The following ASTN2 variants were observed in gnomAD, a reference collection of about 807,000 sequenced individuals.
ASTN2 encodes astrotactin 2.
ASTN2 carries 54 observed loss-of-function variants against 139.8 expected under a neutral mutation model. The ratio of observed to expected loss-of-function variants is 0.39; its 90% CI spans 0.31 to 0.48. ASTN2 has a LOEUF of 0.48. ASTN2 is among the 20% of genes least tolerant of loss of function. ASTN2 has a pLI of 0.95. For synonymous variants in ASTN2, 756 were observed against 719.5 expected (o/e 1.05, Z -0.81); for missense variants, 1,565 against 1,725.1 (o/e 0.91, Z 1.64).
intron 5 of ASTN2, among the ~76,000 whole-genome samples, chr9:117,089,852 G>A (rs554130033): frequency 7.4e-4 from 112 of 152,296 alleles, no homozygotes; most frequent in African/African-American, 2.5e-3. Context: ...GGCAAATGCC[G>A]TTAATTCATT....
chr9:116,779,895 C>A (rs1830173992), intron 13 of ASTN2, among the ~76,000 whole-genome samples: 1 of 152,194 alleles, frequency 6.6e-6, no homozygotes. Context: ...ACTCATTAAT[C>A]ACTTCACTAA....
At chr9:116,978,286 A>G (rs1836409728) in intron 7 of ASTN2, among the ~76,000 whole-genome samples, 2 of 152,074 alleles carry the variant, frequency 1.3e-5, no homozygotes, top group Non-Finnish European at 2.9e-5. Context: ...GCTAGTAGGA[A>G]CCGCCCTGAC....
At chr9:116,492,330 C>T (rs1849541565) in intron 19 of ASTN2, among the ~76,000 whole-genome samples, 1 of 152,200 alleles carries the variant, frequency 6.6e-6, no homozygotes, top group African/African-American at 2.4e-5. Context: ...GATCTGCCTG[C>T]TTCAGCCTCC....
intron 1 of ASTN2, among the ~76,000 whole-genome samples, chr9:117,313,007 G>A (rs751442813): frequency 2.0e-5 from 3 of 152,118 alleles, no homozygotes; most frequent in Non-Finnish European, 4.4e-5. Context: ...TTATTTACAC[G>A]GCTTCACTTT....
chr9:116,564,452 C>G (rs1171982843), intron 19 of ASTN2, among the ~76,000 whole-genome samples: 1 of 152,202 alleles, frequency 6.6e-6, no homozygotes, highest in Non-Finnish European at 1.5e-5. Flanking sequence ...CCTTGCTACC[C>G]CCATGCTGGG....
chr9:116,636,162 C>T (rs1387085808), intron 17 of ASTN2, among the ~76,000 whole-genome samples: 1 of 152,152 alleles, frequency 6.6e-6, no homozygotes, highest in Non-Finnish European at 1.5e-5. Context: ...AATACTGATA[C>T]TTCTCCTTCT....
intron 3 of ASTN2, among the ~76,000 whole-genome samples, chr9:117,178,759 G>C (rs182698847): frequency 6.6e-6 from 1 of 152,180 alleles, no homozygotes; most frequent in East Asian, 1.9e-4. Context: ...CCAAGGGCTG[G>C]CAAAACATCA....
chr9:116,929,040 C>G (rs16934065), intron 10 of ASTN2, among the ~76,000 whole-genome samples: 4,224 of 152,256 alleles, frequency 0.028, 212 homozygotes, highest in African/African-American at 0.097. Context: ...ACATACGCCT[C>G]CCAGTGGGAT....
At chr9:117,270,144 G>C (rs1408448197) in intron 2 of ASTN2, among the ~76,000 whole-genome samples, 1 of 152,128 alleles carries the variant, frequency 6.6e-6, no homozygotes, top group African/African-American at 2.4e-5. Context: ...CTGGGTATTA[G>C]TTTTTCTTGT....
At chr9:116,939,176 C>T (rs1835158494) in intron 10 of ASTN2, among the ~76,000 whole-genome samples, 1 of 152,080 alleles carries the variant, frequency 6.6e-6, no homozygotes. Context: ...TCTCAATTTT[C>T]TCATCTGGCA....
intron 3 of ASTN2, among the ~76,000 whole-genome samples, chr9:117,202,661 C>T (rs1831764456): frequency 6.6e-6 from 1 of 152,028 alleles, no homozygotes; most frequent in African/African-American, 2.4e-5. Flanking sequence ...GAATATTGGC[C>T]CCCAATCTCT....
intron 19 of ASTN2, among the ~76,000 whole-genome samples, chr9:116,490,050 A>G (rs770689863): frequency 2.6e-5 from 4 of 152,030 alleles, no homozygotes; most frequent in Admixed American, 6.6e-5. Flanking sequence ...TGGAGTCTAC[A>G]GAGTAAAGCC....
At chr9:116,759,800 C>T (rs1829628955) in intron 13 of ASTN2, among the ~76,000 whole-genome samples, 1 of 152,070 alleles carries the variant, frequency 6.6e-6, no homozygotes, top group South Asian at 2.1e-4. Context: ...ATGTTATTTC[C>T]ATGAGGGCAA....
chr9:117,181,621 C>T (rs1831069272), intron 3 of ASTN2, among the ~76,000 whole-genome samples: 1 of 152,102 alleles, frequency 6.6e-6, no homozygotes, highest in African/African-American at 2.4e-5. Context: ...GACCCAGGTC[C>T]CAATTGTAGC....
At chr9:116,927,656 G>A (rs547970134) in intron 10 of ASTN2, among the ~76,000 whole-genome samples, 1 of 152,166 alleles carries the variant, frequency 6.6e-6, no homozygotes, top group Non-Finnish European at 1.5e-5. Context: ...CCAAGGAATG[G>A]TGGCTGGACT....
chr9:117,114,368 C>T (rs1829326613), intron 4 of ASTN2, among the ~76,000 whole-genome samples: 2 of 152,094 alleles, frequency 1.3e-5, no homozygotes, highest in Admixed American at 6.5e-5. Flanking sequence ...GCATTTCAGG[C>T]ATGAAATTAG....
chr9:116,472,563 A>G (rs1332441371), intron 20 of ASTN2, among the ~76,000 whole-genome samples: 2 of 152,194 alleles, frequency 1.3e-5, no homozygotes, highest in African/African-American at 4.8e-5. Flanking sequence ...AGAGAAGTGC[A>G]TAAGAATACA....
intron 6 of ASTN2, among the ~76,000 whole-genome samples, chr9:117,011,054 GCAGCATCAT>G (rs1390645713): frequency 3.3e-5 from 5 of 152,188 alleles, no homozygotes; most frequent in Non-Finnish European, 4.4e-5. Flanking sequence ...AAACCTGAGT[GCAGCATCAT>G]GATGTCCACT....
chr9:117,387,836 A>T (rs1021281950), intron 1 of ASTN2, among the ~76,000 whole-genome samples: 6 of 152,162 alleles, frequency 3.9e-5, no homozygotes, highest in Admixed American at 2.0e-4. Flanking sequence ...CATAAAGATT[A>T]TGAAATCCTA....
Sources: gnomAD v4.1 joint callset for allele counts (sites outside exome capture counted in the v4.1 genomes callset) on GRCh38, gnomAD v4.1.1 for gene constraint, MANE v1.5 for transcripts, NCBI Gene and HGNC (gene_info 2026-07-23, HGNC 2026-07-21) for gene names.